The following SORCS2 variants were observed in gnomAD, a reference collection of about 807,000 sequenced individuals.
The protein encoded by SORCS2 is VPS10 domain-containing receptor SorCS2.
SORCS2 carries 100 observed loss-of-function variants against 141.6 expected under a neutral mutation model. That is an observed-to-expected ratio of 0.71 (90% confidence interval 0.60 to 0.83). The LOEUF (loss-of-function observed/expected upper bound fraction) is 0.83, where lower values mean the gene tolerates loss of function less well. Among genes scored for constraint, SORCS2 ranks in the 40% least tolerant of loss-of-function variants. The probability of loss-of-function intolerance (pLI) is 0.00; values close to 1 mark genes in which losing one functional copy is unlikely to be tolerated. For missense variants in SORCS2, 1,646 were observed against 1,560.2 expected, an observed-to-expected ratio of 1.05 and a Z score of -0.93; for synonymous variants, 789 against 676.9, an observed-to-expected ratio of 1.17 and a Z score of -2.57.
At chr4:7,276,082 T>G (rs1577346859) in intron 1 of SORCS2, among the ~76,000 whole-genome samples, 1 of 152,224 alleles carries the variant, frequency 6.6e-6, no homozygotes, top group East Asian at 1.9e-4. Flanking sequence ...GTAACACAGG[T>G]CCCTCTGTGT....
intron 4 of SORCS2, among the ~76,000 whole-genome samples, chr4:7,646,988 C>A (rs1241348303): frequency 2.0e-5 from 3 of 152,098 alleles, no homozygotes; most frequent in Admixed American, 2.0e-4. Flanking sequence ...CCCAGGGCAA[C>A]CACTCAGGGC....
At position 7,201,062 on chromosome 4, in the gene SORCS2, C is replaced by T. The variant is rs6834325; in HGVS notation, c.480+7936C>T. 0.2 allele frequency among the ~76,000 whole-genome samples: 30,244 copies of T among 152,074 alleles called. 3,138 individuals carry two copies. Among genetic ancestry groups the T allele is most frequent in the East Asian group, 0.38 (1,973 of 5,146 alleles). ...GCGCGGGTGAAATGTTTGGTCTGGA[C>T]AGGAATTCACCCCAGCGCGTTCTAG... On this transcript the variant is annotated intron_variant, in intron 1 of 26. Coordinates refer to ENST00000507866, the MANE Select transcript of SORCS2 (RefSeq NM_020777.3). The surrounding 1 kb of genome is among the most constrained non-coding windows in gnomAD (Gnocchi z 4.4).
At chr4:7,532,586 T>C (rs1413956895) in intron 3 of SORCS2, among the ~76,000 whole-genome samples, 3 of 152,302 alleles carry the variant, frequency 2.0e-5, no homozygotes, top group South Asian at 2.1e-4. Flanking sequence ...CCAAGGGTGC[T>C]GGAGTGTTTC....
intron 2 of SORCS2, among the ~76,000 whole-genome samples, chr4:7,529,549 T>G (rs993072918): frequency 2.6e-5 from 4 of 152,024 alleles, no homozygotes; most frequent in Admixed American, 6.5e-5. Flanking sequence ...GATGCTGGGC[T>G]AAGGCGAGCA....
intron 2 of SORCS2, among the ~76,000 whole-genome samples, chr4:7,491,300 C>T (rs1731301256): frequency 1.3e-5 from 2 of 152,224 alleles, no homozygotes. Flanking sequence ...TCCAGGAAGC[C>T]AGTTGTGGTG....
intron 4 of SORCS2, among the ~76,000 whole-genome samples, chr4:7,643,933 A>G (rs1720894186): frequency 6.6e-6 from 1 of 152,184 alleles, no homozygotes; most frequent in African/African-American, 2.4e-5. Context: ...GCATCTCTTG[A>G]GTAACAGAAC....
chr4:7,470,690 A>G (rs1729924563), intron 2 of SORCS2, among the ~76,000 whole-genome samples: 1 of 152,194 alleles, frequency 6.6e-6, no homozygotes, highest in South Asian at 2.1e-4. Flanking sequence ...GCTCGGAGGA[A>G]AAACAGTGGA....
intron 2 of SORCS2, among the ~76,000 whole-genome samples, chr4:7,421,910 CT>C (rs10712497): frequency 0.56 from 83,328 of 148,684 alleles, 23,422 homozygotes; most frequent in South Asian, 0.62. Context: ...AGGGCAGGGG[CT>C]GGGGCGGGGC....
chr4:7,635,164 G>C (rs1720160904), intron 3 of SORCS2, among the ~76,000 whole-genome samples: 1 of 152,218 alleles, frequency 6.6e-6, no homozygotes, highest in Admixed American at 6.5e-5. Flanking sequence ...GGGGAACTGG[G>C]TGTGGTACAG....
intron 2 of SORCS2, among the ~76,000 whole-genome samples, chr4:7,410,357 G>A (rs1725224084): frequency 6.6e-6 from 1 of 152,218 alleles, no homozygotes; most frequent in Admixed American, 6.5e-5. Context: ...ACTGTAAGGG[G>A]AACTCTACCC....
intron 2 of SORCS2, among the ~76,000 whole-genome samples, chr4:7,506,266 G>A (rs1185015975): frequency 6.6e-6 from 1 of 152,186 alleles, no homozygotes; most frequent in Non-Finnish European, 1.5e-5. Context: ...TGGGCTTAAT[G>A]AGGCCTAAAT....
At chr4:7,320,743 G>T (rs1342324985) in intron 1 of SORCS2, among the ~76,000 whole-genome samples, 2 of 152,156 alleles carry the variant, frequency 1.3e-5, no homozygotes, top group Non-Finnish European at 2.9e-5. Flanking sequence ...CTGGGGAAAG[G>T]TCAAGGGTGA....
At chr4:7,251,113 G>A (rs1713482334) in intron 1 of SORCS2, among the ~76,000 whole-genome samples, 1 of 152,212 alleles carries the variant, frequency 6.6e-6, no homozygotes, top group Non-Finnish European at 1.5e-5. Context: ...TGATTTGCAG[G>A]TGACTGAAGC....
At chr4:7,224,016 G>A (rs1728862334) in intron 1 of SORCS2, among the ~76,000 whole-genome samples, 1 of 152,208 alleles carries the variant, frequency 6.6e-6, no homozygotes, top group South Asian at 2.1e-4. Flanking sequence ...AATTAAAATA[G>A]CAATGCAGAG....
At chr4:7,495,839 G>C (rs576007543) in intron 2 of SORCS2, among the ~76,000 whole-genome samples, 2 of 152,348 alleles carry the variant, frequency 1.3e-5, no homozygotes, top group Non-Finnish European at 1.5e-5. Flanking sequence ...CCAGACCAGG[G>C]GCCGCAGCCC....
intron 2 of SORCS2, among the ~76,000 whole-genome samples, chr4:7,498,628 A>T (rs560077339): frequency 1.3e-5 from 2 of 152,330 alleles, no homozygotes; most frequent in African/African-American, 4.8e-5. Context: ...GCAGCAGGGG[A>T]TCAGCACAGC....
chr4:7,592,256 A>T (rs2040746), intron 3 of SORCS2, among the ~76,000 whole-genome samples: 38,113 of 151,242 alleles, frequency 0.25, 5,031 homozygotes, highest in Non-Finnish European at 0.3. Flanking sequence ...AATTATTATT[A>T]TTTTTTTTAA....
intron 2 of SORCS2, among the ~76,000 whole-genome samples, chr4:7,505,735 G>A (rs931376486): frequency 1.3e-5 from 2 of 152,136 alleles, no homozygotes; most frequent in African/African-American, 2.4e-5. Flanking sequence ...GCTGGGCAGC[G>A]CCAGTGAGAA....
At chr4:7,356,435 A>G (rs1267449905) in intron 1 of SORCS2, among the ~76,000 whole-genome samples, 2 of 152,136 alleles carry the variant, frequency 1.3e-5, no homozygotes, top group Admixed American at 6.5e-5. Flanking sequence ...GCCGATGGCT[A>G]TCTTCCCACC....
Sources: allele counts gnomAD v4.1 joint callset (sites outside exome capture counted in the v4.1 genomes callset), GRCh38; gene constraint gnomAD v4.1.1; non-coding constraint Gnocchi (gnomAD v3.1); transcripts MANE v1.5; gene names NCBI Gene and HGNC (gene_info 2026-07-23, HGNC 2026-07-21).